DSCAM: variants seen among roughly 807,000 people sequenced by gnomAD.
DSCAM encodes the protein DS cell adhesion molecule.
In DSCAM, 47 loss-of-function variants were observed where a neutral mutation model predicts 217.7. The ratio of observed to expected loss-of-function variants is 0.22; its 90% CI spans 0.17 to 0.28. The LOEUF (loss-of-function observed/expected upper bound fraction) is 0.28, where lower values mean the gene tolerates loss of function less well. Among genes scored for constraint, DSCAM ranks in the 10% least tolerant of loss-of-function variants. The pLI is 1.00. For synonymous variants in DSCAM, 1,056 were observed against 1,015.3 expected (o/e 1.04, Z -0.76); for missense variants, 2,080 against 2,618.3 (o/e 0.79, Z 4.49).
chr21:40,299,222 A>T (rs769388724), intron 9 of DSCAM, among the ~76,000 whole-genome samples: 3 of 152,168 alleles, frequency 2.0e-5, no homozygotes, highest in Non-Finnish European at 4.4e-5. Context: ...GCAACTTGAG[A>T]CCACCTTGAG....
intron 11 of DSCAM, among the ~76,000 whole-genome samples, chr21:40,253,119 G>A (rs1316763161): frequency 6.6e-6 from 1 of 152,198 alleles, no homozygotes; most frequent in African/African-American, 2.4e-5. Context: ...AGCACAGGAC[G>A]ATGATGCCTA....
At chr21:40,735,097 T>C (rs2091050127) in intron 1 of DSCAM, among the ~76,000 whole-genome samples, 1 of 152,248 alleles carries the variant, frequency 6.6e-6, no homozygotes. Flanking sequence ...CTCTGTTCTC[T>C]TTGCCTGTAC....
At chr21:40,266,394 T>G (rs957981267) in intron 11 of DSCAM, among the ~76,000 whole-genome samples, 7 of 152,054 alleles carry the variant, frequency 4.6e-5, no homozygotes, top group African/African-American at 1.4e-4. Flanking sequence ...ACTTACACAC[T>G]GCTGGTGGGA....
chr21:40,117,884 T>C (rs1398875328), intron 20 of DSCAM, among the ~76,000 whole-genome samples: 1 of 151,786 alleles, frequency 6.6e-6, no homozygotes, highest in Non-Finnish European at 1.5e-5. Flanking sequence ...AAGTTGAGCT[T>C]TAAACAATAA....
chr21:40,233,248 T>C (rs2091397929), intron 11 of DSCAM, among the ~76,000 whole-genome samples: 1 of 152,212 alleles, frequency 6.6e-6, no homozygotes, highest in Admixed American at 6.5e-5. Context: ...ACAAAATTTA[T>C]AAGTTGAACT....
At chr21:40,698,143 CAT>C (rs1047814754) in intron 2 of DSCAM, among the ~76,000 whole-genome samples, 7 of 152,184 alleles carry the variant, frequency 4.6e-5, no homozygotes, top group South Asian at 2.1e-4. Flanking sequence ...ATTACACACA[CAT>C]GGCTTATTTA....
intron 20 of DSCAM, among the ~76,000 whole-genome samples, chr21:40,094,455 G>C (rs905027404): frequency 6.6e-6 from 1 of 152,208 alleles, no homozygotes; most frequent in Non-Finnish European, 1.5e-5. Context: ...GCACTGGAAA[G>C]AGAGCTACAC....
chr21:40,458,097 A>C (rs2075777989), intron 3 of DSCAM, among the ~76,000 whole-genome samples: 1 of 152,238 alleles, frequency 6.6e-6, no homozygotes, highest in Non-Finnish European at 1.5e-5. Context: ...CACATCTCTC[A>C]GTCCATGACT....
chr21:40,661,511 AAG>A (rs2090139415), intron 3 of DSCAM, among the ~76,000 whole-genome samples: 1 of 152,254 alleles, frequency 6.6e-6, no homozygotes, highest in South Asian at 2.1e-4. Flanking sequence ...CAGTGAGGAT[AAG>A]AGAGACAACA....
At chr21:40,742,653 G>C (rs868580273) in intron 1 of DSCAM, among the ~76,000 whole-genome samples, 1 of 152,220 alleles carries the variant, frequency 6.6e-6, no homozygotes, top group Non-Finnish European at 1.5e-5. Context: ...CAGAGTAGAG[G>C]TTTGAGAAAG....
intron 16 of DSCAM, among the ~76,000 whole-genome samples, chr21:40,159,156 G>T (rs1027922379): frequency 3.9e-5 from 6 of 152,130 alleles, no homozygotes; most frequent in Non-Finnish European, 8.8e-5. Flanking sequence ...TAAAACTAAT[G>T]TCATGTTTCT....
chr21:40,015,536 C>T (rs1034190214), intron 32 of DSCAM, among the ~76,000 whole-genome samples: 1 of 151,746 alleles, frequency 6.6e-6, no homozygotes, highest in African/African-American at 2.4e-5. Context: ...CTCAAGCAAA[C>T]CTTCCACCTC....
intron 3 of DSCAM, among the ~76,000 whole-genome samples, chr21:40,586,603 G>C (rs1001334859): frequency 5.3e-5 from 8 of 152,148 alleles, no homozygotes; most frequent in African/African-American, 1.9e-4. Context: ...CTGAGATTTT[G>C]CATTCCTGAC....
intron 3 of DSCAM, among the ~76,000 whole-genome samples, chr21:40,519,850 CTG>C (rs374082307): frequency 4.0e-5 from 6 of 151,406 alleles, no homozygotes; most frequent in African/African-American, 1.2e-4. Context: ...CTCTCTCTCT[CTG>C]TGTGTGTGTA....
At chr21:40,298,873 C>T (rs1416376352) in intron 9 of DSCAM, among the ~76,000 whole-genome samples, 4 of 152,080 alleles carry the variant, frequency 2.6e-5, no homozygotes, top group South Asian at 2.1e-4. Flanking sequence ...TCTAATCCAA[C>T]GAAATGTTCC....
intron 9 of DSCAM, among the ~76,000 whole-genome samples, chr21:40,304,286 C>G (rs1447337948): frequency 6.6e-6 from 1 of 152,232 alleles, no homozygotes; most frequent in Non-Finnish European, 1.5e-5. Flanking sequence ...CCAGGTCAAA[C>G]TTTTCTTATG....
At chr21:40,396,389 C>T (rs1438961661) in intron 3 of DSCAM, among the ~76,000 whole-genome samples, 4 of 152,080 alleles carry the variant, frequency 2.6e-5, no homozygotes, top group African/African-American at 9.7e-5. Context: ...ATTTAGGGCT[C>T]GTTAATATCT....
At chr21:40,546,126 T>A (rs1465916835) in intron 3 of DSCAM, among the ~76,000 whole-genome samples, 1 of 152,206 alleles carries the variant, frequency 6.6e-6, no homozygotes, top group Non-Finnish European at 1.5e-5. Context: ...GGGTACATTC[T>A]CCCCTCCTAG....
chr21:40,672,826 C>A (rs2090292772), intron 3 of DSCAM, among the ~76,000 whole-genome samples: 1 of 152,100 alleles, frequency 6.6e-6, no homozygotes, highest in Non-Finnish European at 1.5e-5. Flanking sequence ...AGCCAACATA[C>A]CAAAGCTTCC....
Sources: gnomAD v4.1 joint callset for allele counts (sites outside exome capture counted in the v4.1 genomes callset) on GRCh38, gnomAD v4.1.1 for gene constraint, MANE v1.5 for transcripts, NCBI Gene and HGNC (gene_info 2026-07-23, HGNC 2026-07-21) for gene names.